The following RNF216 variants were observed in gnomAD, a reference collection of about 807,000 sequenced individuals.
RNF216 encodes the protein E3 ubiquitin-protein ligase RNF216.
A neutral mutation model predicts 110.8 loss-of-function variants in RNF216; 72 were observed. The ratio of observed to expected loss-of-function variants is 0.65; its 90% CI spans 0.54 to 0.79. The LOEUF (loss-of-function observed/expected upper bound fraction) is 0.79. Among genes scored for constraint, RNF216 ranks in the 30% least tolerant of loss-of-function variants. RNF216 has a pLI of 0.00. For synonymous variants in RNF216, 495 were observed against 407.5 expected (o/e 1.21, Z -2.59); for missense variants, 1,342 against 1,141.2 (o/e 1.18, Z -2.54).
At chr7:5,746,508 T>C (rs1312214967) in intron 3 of RNF216, among the ~76,000 whole-genome samples, 1 of 152,182 alleles carries the variant, frequency 6.6e-6, no homozygotes, top group Non-Finnish European at 1.5e-5. Flanking sequence ...CTCAGGCTTT[T>C]GGAATCTGTG....
intron 5 of RNF216, among the ~76,000 whole-genome samples, chr7:5,736,660 C>A (rs2128648448): frequency 6.6e-6 from 1 of 151,994 alleles, no homozygotes; most frequent in African/African-American, 2.4e-5. Context: ...GCCACCATCC[C>A]TTCTAGGAAG....
At chr7:5,690,489 A>G (rs1791267093) in intron 13 of RNF216, among the ~76,000 whole-genome samples, 1 of 152,122 alleles carries the variant, frequency 6.6e-6, no homozygotes. Context: ...GCTGCCACAG[A>G]ATGAAATTCT....
chr7:5,660,598 G>C lies in RNF216; in HGVS notation c.2062-8088C>G, dbSNP rs540187381. Among the ~76,000 whole-genome samples, 37 of 151,634 alleles carry C rather than the reference G, an allele frequency of 2.4e-4. No individual in the cohort carries two copies. The South Asian group carries it at 7.5e-3, about 31-fold the overall frequency. ...GAGCCCTGTTTTAATGATTGACTGA[G>C]ACAGGGTCTCACTGTGTCACCCAGG... On this transcript the variant is annotated intron_variant, in intron 13 of 16. Transcript: ENST00000389902.
At chr7:5,709,159 T>C (rs909590927) in intron 13 of RNF216, among the ~76,000 whole-genome samples, 1 of 152,032 alleles carries the variant, frequency 6.6e-6, no homozygotes, top group African/African-American at 2.4e-5. Context: ...AGTTTCACCA[T>C]CCCATTTGTC....
intron 8 of RNF216, among the ~76,000 whole-genome samples, chr7:5,725,083 T>C (rs542359520): frequency 6.6e-5 from 10 of 152,340 alleles, no homozygotes; most frequent in Non-Finnish European, 4.4e-5. Context: ...ACATGAATTT[T>C]CTAACACCAC....
At chr7:5,716,931 G>A (rs752038628) in intron 9 of RNF216, among the ~76,000 whole-genome samples, 165 bp from the exon 10 acceptor site, 1 of 152,188 alleles carries the variant, frequency 6.6e-6, no homozygotes, top group African/African-American at 2.4e-5. Context: ...GTGGATCAGA[G>A]AGCTAGAAAA....
intron 3 of RNF216, among the ~76,000 whole-genome samples, chr7:5,748,474 G>A (rs1319934871): frequency 6.6e-6 from 1 of 152,176 alleles, no homozygotes; most frequent in Non-Finnish European, 1.5e-5. Context: ...TGGCCAGACT[G>A]GTCTTGAACT....
At chr7:5,735,812 A>T (rs1456050221) in intron 5 of RNF216, among the ~76,000 whole-genome samples, 5 of 152,222 alleles carry the variant, frequency 3.3e-5, no homozygotes, top group African/African-American at 1.2e-4. Flanking sequence ...GATTAAGGGA[A>T]GGCCAGGTGC....
chr7:5,623,022 C>A lies in RNF216; in HGVS notation c.2610G>T (p.Arg870=), dbSNP rs145982348. The A allele has an allele frequency of 1.9e-6, 3 of 1,614,006 alleles. No homozygotes were observed. Among genetic ancestry groups the A allele is most frequent in the Non-Finnish European group, 2.5e-6 (3 of 1,179,968 alleles). Reference sequence around the variant, plus strand: ...TGAGTGGGAAGTTGTTGAACACAGGCCGCACGGGAGGCAGGGGGAAGGGTG... The same window carrying A: ...TGAGTGGGAAGTTGTTGAACACAGGACGCACGGGAGGCAGGGGGAAGGGTG... ...AHPPFPLPPV[R]PVFNNFPLNM... is the part of the protein sequence containing the mutation. Residue 870 remains arginine, a synonymous_variant, in exon 17 of 17, where the codon CGG becomes CGT. Coordinates refer to ENST00000389902, the MANE Select transcript of RNF216 (RefSeq NM_207111.4).
At chr7:5,761,475 G>A (rs1348637209) in intron 1 of RNF216, among the ~76,000 whole-genome samples, 9 of 152,066 alleles carry the variant, frequency 5.9e-5, no homozygotes, top group Non-Finnish European at 1.2e-4. Flanking sequence ...AATAATCAGG[G>A]AAAGGCAAAT....
intron 13 of RNF216, among the ~76,000 whole-genome samples, chr7:5,657,846 A>G (rs1310533072): frequency 1.3e-5 from 2 of 152,230 alleles, no homozygotes; most frequent in African/African-American, 2.4e-5. Flanking sequence ...AAAGTTCAGC[A>G]AAGTCAAAGC....
intron 13 of RNF216, among the ~76,000 whole-genome samples, chr7:5,705,959 A>G: frequency 8.4e-6 from 1 of 118,668 alleles, no homozygotes; most frequent in African/African-American, 3.3e-5. Context: ...AAACAAAACA[A>G]AACAAAACAC....
At chr7:5,662,878 T>A (rs1789238765) in intron 13 of RNF216, among the ~76,000 whole-genome samples, 1 of 151,986 alleles carries the variant, frequency 6.6e-6, no homozygotes, top group Non-Finnish European at 1.5e-5. Context: ...GCCTGAAGGC[T>A]ATCTGGTAGA....
In RNF216 at chr7:5,620,213, C is replaced by G. The variant is rs1554339706; in HGVS notation, c.*2647G>C. On this transcript the variant is annotated 3_prime_UTR_variant, in exon 17 of 17. Coordinates refer to ENST00000389902, the MANE Select transcript of RNF216 (RefSeq NM_207111.4). ...CTTGTTTTTATACAAAGTGACAGAT[C>G]ATGCACATTTTTTTCAGTTTTTAAA... 1.3e-5 allele frequency: 2 copies of G among 152,244 alleles called. No individual in the cohort carries two copies. The highest frequency in any genetic ancestry group is 4.1e-4 in the South Asian group (2 of 4,834). 9.4% of individuals were successfully genotyped at this position (152,244 alleles called of 1,614,324 possible). A position where few individuals can be genotyped will look rare whatever the true frequency, so the allele number is the denominator to read the frequency against.
chr7:5,658,114 T>C (rs1006431016), intron 13 of RNF216, among the ~76,000 whole-genome samples: 1 of 152,206 alleles, frequency 6.6e-6, no homozygotes, highest in Non-Finnish European at 1.5e-5. Flanking sequence ...CAAGGATTCT[T>C]TGCGGAGCTG....
chr7:5,768,416 G>A (rs4724724), intron 1 of RNF216, among the ~76,000 whole-genome samples: 52,018 of 119,038 alleles, frequency 0.44, 10,574 homozygotes, highest in East Asian at 0.76. Context: ...AGACCTTAAG[G>A]AAGCAAGATG....
intron 8 of RNF216, among the ~76,000 whole-genome samples, chr7:5,722,748 G>A (rs552333804): frequency 6.4e-4 from 97 of 151,814 alleles, no homozygotes; most frequent in Non-Finnish European, 1.0e-3. Flanking sequence ...GGGGCCAGGC[G>A]CAGTGACTCA....
In RNF216 at chr7:5,729,591, A is replaced by T; in HGVS notation, c.1230T>A (p.Pro410=). Residue 410 remains proline, a synonymous_variant, in exon 7 of 17, where the codon CCT becomes CCA. Transcript: ENST00000389902. The part of the protein sequence containing the change: ...LLASQDETKL[P]KIDFFDYSKL... ...TAGAATAGTCAAAAAAGTCTATTTTAGGCAACTGAAATGAGAGAGAAGCAT... is the reference window on the plus strand; with the variant it reads ...TAGAATAGTCAAAAAAGTCTATTTTTGGCAACTGAAATGAGAGAGAAGCAT... 1 of 1,613,834 alleles carries T rather than the reference A, an allele frequency of 6.2e-7. No individual in the cohort carries two copies. The highest frequency in any genetic ancestry group is 1.1e-5 in the South Asian group (1 of 91,070).
chr7:5,644,100 G>GA, intron 14 of RNF216, among the ~76,000 whole-genome samples: 1 of 151,984 alleles, frequency 6.6e-6, no homozygotes, highest in East Asian at 1.9e-4. Context: ...GATGGATTGA[G>GA]TTTTTTTTGC....
Sources: gnomAD v4.1 joint callset for allele counts (sites outside exome capture counted in the v4.1 genomes callset) on GRCh38, gnomAD v4.1.1 for gene constraint, MANE v1.5 for transcripts, NCBI Gene and HGNC (gene_info 2026-07-23, HGNC 2026-07-21) for gene names.